The following TMEM236 variants were observed in gnomAD, a reference collection of about 807,000 sequenced individuals.
The protein encoded by TMEM236 is transmembrane protein 236.
In TMEM236, 11 loss-of-function variants were observed where a neutral mutation model predicts 14.7. That is an observed-to-expected ratio of 0.75 (90% CI 0.47 to 1.24). The LOEUF is 1.24. TMEM236 is among the 50% of genes most tolerant of loss of function. The pLI is 0.00. For synonymous variants in TMEM236, 182 were observed against 168.6 expected (o/e 1.08, Z -0.62); for missense variants, 464 against 427.3 (o/e 1.09, Z -0.76).
intron 3 of TMEM236, among the ~76,000 whole-genome samples, chr10:17,782,690 G>T (rs1768789687): frequency 6.6e-6 from 1 of 152,052 alleles, no homozygotes; most frequent in Admixed American, 6.6e-5. Context: ...GACCTCAAAT[G>T]ATCCACCCGC....
At chr10:17,764,353 G>A (rs1215036082) in intron 1 of TMEM236, among the ~76,000 whole-genome samples, 8 of 152,046 alleles carry the variant, frequency 5.3e-5, no homozygotes, top group South Asian at 2.1e-4. Flanking sequence ...GAGATCTATC[G>A]GCAGTACCCT....
intron 1 of TMEM236, among the ~76,000 whole-genome samples, chr10:17,755,878 T>C (rs892747063): frequency 3.5e-4 from 54 of 152,378 alleles, no homozygotes; most frequent in African/African-American, 1.2e-3. Context: ...AACCTTCCCA[T>C]ATAACTTACT....
chr10:17,796,873 T>C lies in TMEM236; in HGVS notation c.*369T>C, dbSNP rs901472685. On this transcript the variant is annotated 3_prime_UTR_variant, in exon 4 of 4. Transcript: ENST00000377495. ...GAACCTCAAACTGAGCGTTCCCGCC[T>C]GCATTCCGCCTCCTGTCAGATCAGC... is the stretch of plus-strand genomic sequence containing the variant. 22 of 278,862 alleles carry C rather than the reference T, an allele frequency of 7.9e-5. No homozygotes were observed. The South Asian group carries it at 8.3e-4, about 10-fold the overall frequency. The allele number at this position is 278,862 out of a possible 1,614,324, so 17.3% of individuals were successfully genotyped here.
chr10:17,757,575 G>A (rs1393681113), intron 1 of TMEM236, among the ~76,000 whole-genome samples: 1 of 150,168 alleles, frequency 6.7e-6, no homozygotes, highest in South Asian at 2.1e-4. Context: ...CTCTAGCCTG[G>A]GTCACACAGC....
intron 3 of TMEM236, among the ~76,000 whole-genome samples, chr10:17,782,597 G>A (rs1224814947): frequency 2.6e-5 from 4 of 151,878 alleles, no homozygotes; most frequent in East Asian, 1.9e-4. Flanking sequence ...GACTACAGCC[G>A]TGCACCACCA....
At chr10:17,782,083 A>G (rs962973800) in intron 3 of TMEM236, among the ~76,000 whole-genome samples, 13 of 151,674 alleles carry the variant, frequency 8.6e-5, no homozygotes, top group African/African-American at 2.9e-4. Flanking sequence ...GCCCCCATCT[A>G]AGGTCTTGTG....
chr10:17,764,331 AT>A (rs1554834198), intron 1 of TMEM236, among the ~76,000 whole-genome samples: 8 of 152,116 alleles, frequency 5.3e-5, no homozygotes. Flanking sequence ...CCAGTTTATT[AT>A]GATGCACACA....
chr10:17,792,378 G>A (rs1055297070), intron 3 of TMEM236, among the ~76,000 whole-genome samples: 8 of 152,150 alleles, frequency 5.3e-5, no homozygotes, highest in Admixed American at 6.5e-5. Flanking sequence ...GTAAGCCACC[G>A]TACCTGCCTC....
chr10:17,764,053 G>A (rs912206602), intron 1 of TMEM236, among the ~76,000 whole-genome samples: 1 of 152,194 alleles, frequency 6.6e-6, no homozygotes, highest in Non-Finnish European at 1.5e-5. Context: ...GTTAATATAT[G>A]TTGGAATGTT....
rs1837953542 is a variant in TMEM236, at chr10:17,793,144, A to G, written c.473-2777A>G. ...GAGAGATATGAAGTTCACAGACCTA[A>G]TCTCACCACATACACATGTATCTCA... On this transcript the variant is annotated intron_variant, in intron 3 of 3. Coordinates refer to ENST00000377495, the MANE Select transcript of TMEM236 (RefSeq NM_001098844.3). 4.6e-5 allele frequency among the ~76,000 whole-genome samples: 7 copies of G among 152,282 alleles called. No homozygotes were observed. In the South Asian group the frequency reaches 1.4e-3, roughly 32 times the overall value.
intron 3 of TMEM236, among the ~76,000 whole-genome samples, chr10:17,781,450 G>T (rs1040818346): frequency 6.6e-6 from 1 of 151,874 alleles, no homozygotes; most frequent in Non-Finnish European, 1.5e-5. Context: ...CTAAAAATTT[G>T]CATGCAGCCC....
chr10:17,770,095 T>A (rs1328855210), intron 1 of TMEM236, among the ~76,000 whole-genome samples: 5 of 152,196 alleles, frequency 3.3e-5, no homozygotes, highest in Admixed American at 6.5e-5. Flanking sequence ...TATTTGGTTT[T>A]CTGTTCCTGA....
chr10:17,776,154 T>C lies in TMEM236; in HGVS notation c.456T>C (p.Leu152=). 6.2e-7 allele frequency: 1 copy of C among 1,613,082 alleles called. No homozygotes were observed. The highest frequency in any genetic ancestry group is 1.1e-5 in the South Asian group (1 of 90,972). Residue 152 remains leucine, a synonymous_variant, in exon 3 of 4, where the codon CTT becomes CTC. Coordinates refer to ENST00000377495, the MANE Select transcript of TMEM236 (RefSeq NM_001098844.3). ...TTGAAAAACTCAGGATATATCCTCTTAGAGGGAGTCAAAAGAGTAAGTGTT... is the reference window on the plus strand; with the variant it reads ...TTGAAAAACTCAGGATATATCCTCTCAGAGGGAGTCAAAAGAGTAAGTGTT... ...DIIEKLRIYP[L]RGSQKSSENG...
chr10:17,791,723 C>T (rs989529870), intron 3 of TMEM236, among the ~76,000 whole-genome samples: 1 of 152,188 alleles, frequency 6.6e-6, no homozygotes, highest in Non-Finnish European at 1.5e-5. Flanking sequence ...AATTCCTACT[C>T]ATTCTTACTA....
chr10:17,775,487 T>C (rs1044633938), intron 2 of TMEM236, among the ~76,000 whole-genome samples: 2 of 152,130 alleles, frequency 1.3e-5, no homozygotes, highest in Admixed American at 1.3e-4. Context: ...GTTGCTCAGG[T>C]TGGTCTCGAG....
rs1032393452 is a variant in TMEM236 at position 17,785,832 on chromosome 10, C to T, written c.472+9662C>T. ...GTATGTTAGTTCTAGGATTTTTTTT[C>T]CTCTTCTCAAGAAGTAAGTGGGCAT... On this transcript the variant is annotated intron_variant, in intron 3 of 3. Transcript: ENST00000377495. Among the ~76,000 whole-genome samples, 611 of 151,920 alleles carry T rather than the reference C, an allele frequency of 4.0e-3. 1 individual carries two copies. The highest frequency in any genetic ancestry group is 0.01 in the Middle Eastern group (3 of 294).
intron 3 of TMEM236, among the ~76,000 whole-genome samples, chr10:17,794,978 A>C (rs1220730350): frequency 6.6e-6 from 1 of 152,164 alleles, no homozygotes; most frequent in Non-Finnish European, 1.5e-5. Flanking sequence ...CAGTGAGCCG[A>C]GATCATGCTG....
intron 2 of TMEM236, 70 bp downstream of exon 2, chr10:17,771,451 T>C (rs1350858719): frequency 3.8e-5 from 55 of 1,453,008 alleles, no homozygotes; most frequent in Non-Finnish European, 5.2e-5. Context: ...TGGAATTTGA[T>C]AGAGCAGCGT....
chr10:17,771,855 A>G (rs1166853581), intron 2 of TMEM236, among the ~76,000 whole-genome samples: 1 of 152,238 alleles, frequency 6.6e-6, no homozygotes, highest in Non-Finnish European at 1.5e-5. Flanking sequence ...TAGCTTCAAA[A>G]GATCTTGGAT....
Sources: gnomAD v4.1 joint callset for allele counts (sites outside exome capture counted in the v4.1 genomes callset) on GRCh38, gnomAD v4.1.1 for gene constraint, MANE v1.5 for transcripts, NCBI Gene and HGNC (gene_info 2026-07-23, HGNC 2026-07-21) for gene names.